STK32A: variants seen among roughly 807,000 people sequenced by gnomAD.
STK32A encodes the protein serine/threonine kinase 32A, also known as serine/threonine-protein kinase 32A.
Under a neutral mutation model 53.2 loss-of-function variants are expected in STK32A, and 41 were observed. That is an observed-to-expected ratio of 0.77 (90% confidence interval 0.60 to 1.00). The LOEUF (loss-of-function observed/expected upper bound fraction) is 1.00, where lower values mean the gene tolerates loss of function less well. STK32A is among the 50% of genes least tolerant of loss of function. STK32A has a pLI of 0.00. For missense variants in STK32A, 458 were observed against 485.8 expected (o/e 0.94, Z 0.54); for synonymous variants, 166 against 162.8 (o/e 1.02, Z -0.15).
At chr5:147,246,218 G>A (rs1468428652) in intron 2 of STK32A, among the ~76,000 whole-genome samples, 1 of 152,126 alleles carries the variant, frequency 6.6e-6, no homozygotes, top group African/African-American at 2.4e-5. Flanking sequence ...AAAGGCATTT[G>A]TCATAAATAA....
Position 147,384,849 on chromosome 5 carries a change from C to T in STK32A, c.*866C>T. ...GAATGTCATCACACTGAAAGTATGTCCACCTTGCAGTTCAGAAAAGTTGCA... is the reference window on the plus strand; with the variant it reads ...GAATGTCATCACACTGAAAGTATGTTCACCTTGCAGTTCAGAAAAGTTGCA... On this transcript the variant is annotated 3_prime_UTR_variant, in exon 13 of 13. Transcript: ENST00000397936. 1 of 163,182 alleles carries T rather than the reference C, an allele frequency of 6.1e-6. No individual in the cohort carries two copies. The highest frequency in any genetic ancestry group is 1.3e-5 in the Non-Finnish European group (1 of 75,624). The allele number at this position is 163,182 out of a possible 1,614,324, so 10.1% of individuals were successfully genotyped here.
At chr5:147,401,218 T>C in the STK32A span, among the ~76,000 whole-genome samples, 1 of 152,224 alleles carries the variant, frequency 6.6e-6, no homozygotes. Context: ...GCTTAATATG[T>C]AAATGCTGAT....
At chr5:147,354,153 G>A (rs1201944738) in intron 7 of STK32A, among the ~76,000 whole-genome samples, 1 of 152,048 alleles carries the variant, frequency 6.6e-6, no homozygotes, top group Non-Finnish European at 1.5e-5. Flanking sequence ...AATTACCAGT[G>A]GGGGGAATAA....
chr5:147,235,632 C>G (rs1278961982), intron 1 of STK32A, among the ~76,000 whole-genome samples: 1 of 152,216 alleles, frequency 6.6e-6, no homozygotes, highest in African/African-American at 2.4e-5. Flanking sequence ...ATCAGCATGC[C>G]TGTACCTAGA....
At chr5:147,251,383 T>G (rs539620792) in intron 2 of STK32A, among the ~76,000 whole-genome samples, 12 of 152,308 alleles carry the variant, frequency 7.9e-5, no homozygotes, top group Admixed American at 4.6e-4. Context: ...TTGGCAGAGA[T>G]TGTCGAACAA....
intron 4 of STK32A, among the ~76,000 whole-genome samples, chr5:147,322,776 A>AG (rs1326736487): frequency 1.4e-4 from 21 of 152,340 alleles, no homozygotes; most frequent in African/African-American, 4.6e-4. Context: ...CTGTTTGTAC[A>AG]CAGCAGAGAC....
chr5:147,257,961 A>G (rs952526098), intron 2 of STK32A, among the ~76,000 whole-genome samples: 2 of 151,996 alleles, frequency 1.3e-5, no homozygotes, highest in South Asian at 4.2e-4. Context: ...TATTTTTATT[A>G]GATTTTAGAC....
intron 11 of STK32A, among the ~76,000 whole-genome samples, chr5:147,379,309 G>C (rs1165938437): frequency 6.6e-6 from 1 of 151,526 alleles, no homozygotes; most frequent in Non-Finnish European, 1.5e-5. Flanking sequence ...ACTTACTTCA[G>C]GTGATTCTAT....
intron 1 of STK32A, among the ~76,000 whole-genome samples, chr5:147,239,260 G>A (rs968392032): frequency 1.3e-5 from 2 of 152,160 alleles, no homozygotes; most frequent in Admixed American, 6.5e-5. Context: ...TTTTATAGTT[G>A]TTGAATAAAG....
At chr5:147,369,070 A>T (rs1756894176) in intron 8 of STK32A, among the ~76,000 whole-genome samples, 1 of 152,130 alleles carries the variant, frequency 6.6e-6, no homozygotes, top group African/African-American at 2.4e-5. Flanking sequence ...ACCAATAAAC[A>T]TTGATAATGG....
chr5:147,236,097 C>T (rs1753304692), intron 1 of STK32A, among the ~76,000 whole-genome samples: 1 of 152,144 alleles, frequency 6.6e-6, no homozygotes, highest in South Asian at 2.1e-4. Flanking sequence ...TGCATCACCT[C>T]CTATGTTTTC....
At chr5:147,323,746 A>T (rs898290989) in intron 4 of STK32A, among the ~76,000 whole-genome samples, 152 bp from the exon 5 acceptor site, 2 of 152,236 alleles carry the variant, frequency 1.3e-5, no homozygotes, top group African/African-American at 2.4e-5. Flanking sequence ...TAAAGGCCTA[A>T]GGTGATAGAG....
chr5:147,371,891 C>T (rs537391985), intron 9 of STK32A, among the ~76,000 whole-genome samples: 8 of 152,264 alleles, frequency 5.3e-5, no homozygotes, highest in Admixed American at 3.9e-4. Context: ...TTGGGAAGCA[C>T]AACTTTAGCT....
chr5:147,255,570 GACC>G, intron 2 of STK32A, among the ~76,000 whole-genome samples: 1 of 152,342 alleles, frequency 6.6e-6, no homozygotes, highest in Non-Finnish European at 1.5e-5. Flanking sequence ...AGAGCAGTCA[GACC>G]ATGCAGTGCC....
chr5:147,392,481 A>G (rs1757839980), downstream of STK32A: 1 of 152,242 alleles, frequency 6.6e-6, no homozygotes, highest in African/African-American at 2.4e-5. Flanking sequence ...CACTTAGTAC[A>G]CAGGGTTACA....
At chr5:147,283,356 C>A (rs1273906363) in intron 4 of STK32A, among the ~76,000 whole-genome samples, 3 of 151,876 alleles carry the variant, frequency 2.0e-5, no homozygotes, top group South Asian at 2.1e-4. Flanking sequence ...AGAGCACAAA[C>A]TGACACTCTA....
chr5:147,310,046 C>T (rs545323582), intron 4 of STK32A, among the ~76,000 whole-genome samples: 1 of 152,006 alleles, frequency 6.6e-6, no homozygotes, highest in Non-Finnish European at 1.5e-5. Context: ...TTTAGTAAAA[C>T]AAAATCACCA....
chr5:147,389,937 T>G (rs1757758080), downstream of STK32A, among the ~76,000 whole-genome samples: 1 of 152,146 alleles, frequency 6.6e-6, no homozygotes, highest in East Asian at 1.9e-4. Flanking sequence ...AGGGCCGAAG[T>G]GGAAAGAAGC....
At chr5:147,249,582 G>A (rs34551523) in intron 2 of STK32A, among the ~76,000 whole-genome samples, 3,120 of 152,000 alleles carry the variant, frequency 0.021, 47 homozygotes, top group Middle Eastern at 0.062. Flanking sequence ...GCTATGTAGA[G>A]AACTCATTTA....
Sources: allele counts gnomAD v4.1 joint callset (sites outside exome capture counted in the v4.1 genomes callset), GRCh38; gene constraint gnomAD v4.1.1; transcripts MANE v1.5; gene names NCBI Gene and HGNC (gene_info 2026-07-23, HGNC 2026-07-21).